LRRFIP1: variants seen among roughly 807,000 people sequenced by gnomAD.
LRRFIP1 encodes the protein leucine-rich repeat flightless-interacting protein 1.
A neutral mutation model predicts 104.4 loss-of-function variants in LRRFIP1; 62 were observed. The ratio of observed to expected loss-of-function variants is 0.59; its 90% CI spans 0.48 to 0.73. LRRFIP1 has a LOEUF of 0.73. LRRFIP1 is among the 30% of genes least tolerant of loss of function. The pLI is 0.00. For missense variants in LRRFIP1, 796 were observed against 824.5 expected (o/e 0.97, Z 0.42); for synonymous variants, 300 against 299.0 (o/e 1.00, Z -0.03).
At chr2:237,709,649 C>T (rs1224861269) in intron 2 of LRRFIP1, among the ~76,000 whole-genome samples, 4 of 152,138 alleles carry the variant, frequency 2.6e-5, no homozygotes, top group Admixed American at 1.3e-4. Context: ...GGGTCAGGGC[C>T]CTGCCACAGG....
chr2:237,765,631 A>G (rs2060209874), intron 19 of LRRFIP1: 2 of 974,404 alleles, frequency 2.1e-6, no homozygotes, highest in Admixed American at 6.2e-5. Context: ...GTTATGTCCC[A>G]GTATATTCTT....
intron 1 of LRRFIP1, among the ~76,000 whole-genome samples, chr2:237,682,689 C>T (rs1010777051): frequency 6.6e-6 from 1 of 152,240 alleles, no homozygotes; most frequent in Non-Finnish European, 1.5e-5. Context: ...CTCCCCACTT[C>T]CCACCCAGTG....
intron 1 of LRRFIP1, among the ~76,000 whole-genome samples, chr2:237,632,209 C>A (rs1388615050): frequency 6.6e-6 from 1 of 152,248 alleles, no homozygotes; most frequent in Non-Finnish European, 1.5e-5. Flanking sequence ...GGTCACACAG[C>A]CCCCAAGGAC....
At chr2:237,762,504 TA>T (rs2059977663) in intron 19 of LRRFIP1, 3 of 894,888 alleles carry the variant, frequency 3.4e-6, no homozygotes, top group Non-Finnish European at 5.1e-6. Flanking sequence ...TCTTTAGGAA[TA>T]GGGGTGGGTG....
chr2:237,749,330 A>G lies in LRRFIP1; in HGVS notation c.795+6A>G, dbSNP rs1576217400. 6.2e-7 allele frequency: 1 copy of G among 1,613,146 alleles called. No homozygotes were observed. The highest frequency in any genetic ancestry group is 8.5e-7 in the Non-Finnish European group (1 of 1,179,832). ...CATCCATCAGGGAAATCAAGGTGAGATGCTCTCTTCTTACTGACAACTTGA... is the reference window on the plus strand; with the variant it reads ...CATCCATCAGGGAAATCAAGGTGAGGTGCTCTCTTCTTACTGACAACTTGA... On this transcript the variant is annotated splice_donor_region_variant and intron_variant, in intron 13 of 23. Transcript: ENST00000308482.
chr2:237,660,234 C>G (rs1433963931), intron 1 of LRRFIP1, among the ~76,000 whole-genome samples: 1 of 152,188 alleles, frequency 6.6e-6, no homozygotes, highest in African/African-American at 2.4e-5. Flanking sequence ...ACACATGGCT[C>G]TAAAACAGAA....
rs1012114874 is a variant in LRRFIP1, at chr2:237,711,652, G to A, written c.184-2607G>A. On this transcript the variant is annotated intron_variant, in intron 2 of 23. Coordinates refer to ENST00000308482, the MANE Select transcript of LRRFIP1 (RefSeq NM_001137550.2). The surrounding 1 kb of genome is among the most constrained non-coding windows in gnomAD (Gnocchi z 4.4). ...TGGACTCCTGCCTGGGGTTGGTCAC[G>A]GACCAGGAGCCAGAGCCACCCAAAT... 6.6e-5 allele frequency among the ~76,000 whole-genome samples: 10 copies of A among 152,194 alleles called. No individual in the cohort carries two copies. The highest frequency in any genetic ancestry group is 1.0e-4 in the Non-Finnish European group (7 of 68,036).
chr2:237,773,069 G>A, intron 22 of LRRFIP1, 124 bp downstream of exon 22: 1 of 705,984 alleles, frequency 1.4e-6, no homozygotes, highest in Admixed American at 2.7e-5. Flanking sequence ...GTCCTAAGAG[G>A]GATAAGTTAA....
rs555042718 is a variant in LRRFIP1, at chr2:237,661,089, G to A, written c.96+33349G>A. On this transcript the variant is annotated intron_variant, in intron 1 of 23. Coordinates refer to ENST00000308482, the MANE Select transcript of LRRFIP1 (RefSeq NM_001137550.2). This position sits in a 1 kb window ranked among gnomAD's most constrained non-coding sequence, Gnocchi z 4.4. The stretch of plus-strand genomic sequence containing the variant: ...ATCTCTGCTCTCCCACCGCTTCCTG[G>A]GTTGGGCTGCGGGGAGAGGCCTTGC... Among the ~76,000 whole-genome samples, 1 of 152,268 alleles carries A rather than the reference G, an allele frequency of 6.6e-6. No homozygotes were observed. Among genetic ancestry groups the A allele is most frequent in the East Asian group, 1.9e-4 (1 of 5,176 alleles).
At chr2:237,628,426 T>C (rs2081897363) in intron 1 of LRRFIP1, among the ~76,000 whole-genome samples, 1 of 130,268 alleles carries the variant, frequency 7.7e-6, no homozygotes, top group Non-Finnish European at 1.7e-5. Context: ...TGGGTATTTG[T>C]ACAAATGCCT....
rs2093634213 is a variant in LRRFIP1, at chr2:237,703,312, C to T, written c.97-5232C>T. 6.6e-6 allele frequency among the ~76,000 whole-genome samples: 1 copy of T among 152,180 alleles called. No homozygotes were observed. The highest frequency in any genetic ancestry group is 2.4e-5 in the African/African-American group (1 of 41,430). The stretch of plus-strand genomic sequence containing the variant: ...TGATCCGCTGCAGCCCAGCCCGTTC[C>T]TGTCCCCATGCTGGAAGCAGCCTGT... On this transcript the variant is annotated intron_variant, in intron 1 of 23. Transcript: ENST00000308482. The surrounding 1 kb of genome is among the most constrained non-coding windows in gnomAD (Gnocchi z 4.3).
chr2:237,733,926 A>G (rs983931323), intron 9 of LRRFIP1, 108 bp downstream of exon 9: 2 of 1,186,878 alleles, frequency 1.7e-6, no homozygotes, highest in Non-Finnish European at 1.2e-6. Context: ...CCCTGGGGGA[A>G]GTTGCACCTT....
chr2:237,736,788 A>T (rs1483664010), intron 10 of LRRFIP1, among the ~76,000 whole-genome samples: 1 of 152,232 alleles, frequency 6.6e-6, no homozygotes, highest in Non-Finnish European at 1.5e-5. Context: ...TGCTGTGAGC[A>T]GGAAATTAGC....
chr2:237,735,410 G>A lies in LRRFIP1; in HGVS notation c.555+77G>A. ...GGGGATGCTCGCTGGGCAGGGTCCAGCCGTGGGGGGTGACTGGCCATTCTC... is the reference window on the plus strand; with the variant it reads ...GGGGATGCTCGCTGGGCAGGGTCCAACCGTGGGGGGTGACTGGCCATTCTC... On this transcript the variant is annotated intron_variant, in intron 10 of 23. Transcript: ENST00000308482. This position sits in a 1 kb window ranked among gnomAD's most constrained non-coding sequence, Gnocchi z 4.6. 1 of 1,379,326 alleles carries A rather than the reference G, an allele frequency of 7.2e-7. No individual in the cohort carries two copies. The highest frequency in any genetic ancestry group is 9.8e-7 in the Non-Finnish European group (1 of 1,016,110). The allele number at this position is 1,379,326 out of a possible 1,614,324, so 85.4% of individuals were successfully genotyped here.
rs1352746017 is a variant in LRRFIP1 at position 237,762,824 on chromosome 2, G to T, written c.1459+2619G>T. On this transcript the variant is annotated intron_variant, in intron 19 of 23. Transcript: ENST00000308482. ...AGCAGGTGCTACCTATGAGGAACAGGTTCAAAGCCAAATTCTTGAGAGCAG... is the reference window on the plus strand; with the variant it reads ...AGCAGGTGCTACCTATGAGGAACAGTTTCAAAGCCAAATTCTTGAGAGCAG... 1 of 1,614,062 alleles carries T rather than the reference G, an allele frequency of 6.2e-7. No homozygotes were observed. Among genetic ancestry groups the T allele is most frequent in the Non-Finnish European group, 8.5e-7 (1 of 1,180,038 alleles).
intron 11 of LRRFIP1, 144 bp downstream of exon 11, chr2:237,739,453 G>GT: frequency 1.3e-6 from 1 of 785,954 alleles, no homozygotes; most frequent in South Asian, 1.9e-5. Flanking sequence ...TTCAAGGACC[G>GT]TAAAAGAAAT....
At position 237,766,545 on chromosome 2, in the gene LRRFIP1, C is replaced by T. The variant is rs1329297582; in HGVS notation, c.1460-3398C>T. 1.3e-5 allele frequency among the ~76,000 whole-genome samples: 2 copies of T among 152,134 alleles called. No individual in the cohort carries two copies. The highest frequency in any genetic ancestry group is 2.4e-5 in the African/African-American group (1 of 41,420). ...TGTTATTCACCAGCACCCTGCAGGACGTTGGGCACACATCACATCCCTCAG... is the reference window on the plus strand; with the variant it reads ...TGTTATTCACCAGCACCCTGCAGGATGTTGGGCACACATCACATCCCTCAG... On this transcript the variant is annotated intron_variant, in intron 19 of 23. Transcript: ENST00000308482. This position sits in a 1 kb window ranked among gnomAD's most constrained non-coding sequence, Gnocchi z 4.8.
chr2:237,650,454 G>A (rs2149387358), intron 1 of LRRFIP1, among the ~76,000 whole-genome samples: 1 of 149,286 alleles, frequency 6.7e-6, no homozygotes, highest in South Asian at 2.1e-4. Context: ...TGGCTGCTCT[G>A]GCCTGTGTTA....
intron 1 of LRRFIP1, among the ~76,000 whole-genome samples, chr2:237,634,734 T>G (rs1441792794): frequency 6.6e-6 from 1 of 152,230 alleles, no homozygotes; most frequent in Non-Finnish European, 1.5e-5. Flanking sequence ...TATACAACTT[T>G]CTGCTTCTTC....
Sources: gnomAD v4.1 joint callset for allele counts (sites outside exome capture counted in the v4.1 genomes callset) on GRCh38, gnomAD v4.1.1 for gene constraint, Gnocchi (gnomAD v3.1) non-coding constraint, MANE v1.5 for transcripts, NCBI Gene and HGNC (gene_info 2026-07-23, HGNC 2026-07-21) for gene names.